The following CSMD2 variants were observed in gnomAD, a reference collection of about 807,000 sequenced individuals.
CSMD2 encodes the protein CUB and Sushi multiple domains 2, also known as CUB and sushi domain-containing protein 2.
A neutral mutation model predicts 398.5 loss-of-function variants in CSMD2; 130 were observed. The observed-to-expected ratio is 0.33, with a 90% confidence interval of 0.28 to 0.38. CSMD2 has a LOEUF of 0.38. Among genes scored for constraint, CSMD2 ranks in the 10% least tolerant of loss-of-function variants. The pLI, the probability that CSMD2 is intolerant of heterozygous loss-of-function variation, is 1.00. For synonymous variants in CSMD2, 1,828 were observed against 1,908.5 expected, an observed-to-expected ratio of 0.96 and a Z score of 1.10; for missense variants, 3,829 against 4,764.9, an observed-to-expected ratio of 0.80 and a Z score of 5.78.
rs1340868815 is a variant in CSMD2 at position 33,633,505 on chromosome 1, G to A, written c.5117C>T (p.Thr1706Met). Residue 1706 changes from threonine to methionine, a missense_variant, in exon 32 of 71, where the codon ACG (threonine) becomes ATG (methionine). By Grantham distance (81) the Thr-to-Met change is moderately conservative (BLOSUM62 -1). This residue lies in a region of CSMD2 where 2,001 missense variants were observed against 2,567.1 expected (regional missense o/e 0.78). Coordinates refer to ENST00000373381, the MANE Select transcript of CSMD2 (RefSeq NM_001281956.2). This position sits in a 1 kb window ranked among gnomAD's most constrained non-coding sequence, Gnocchi z 5.0. ...AACCTCCACCACGTCGTTGAGGGCC[G>A]TGTGAAAGAAGGCGAACTGGCCAAA... ...VVFGQFAFFH[T>M]ALNDVVEVHD... The A allele has an allele frequency of 1.3e-6, 2 of 1,553,066 alleles. No homozygotes were observed. Among genetic ancestry groups the A allele is most frequent in the Non-Finnish European group, 1.7e-6 (2 of 1,147,718 alleles).
chr1:33,648,105 GT>G (rs1397196589), intron 28 of CSMD2, among the ~76,000 whole-genome samples: 1 of 152,186 alleles, frequency 6.6e-6, no homozygotes, highest in Admixed American at 6.5e-5. Context: ...GCTCATGCCT[GT>G]AATCCCAGCA....
rs932359975 is a variant in CSMD2, at chr1:33,523,313, A to G, written c.10503T>C (p.Asp3501=). 2.6e-6 allele frequency: 4 copies of G among 1,528,756 alleles called. No individual in the cohort carries two copies. In the African/African-American group the frequency reaches 5.5e-5, roughly 21 times the overall value. The allele number at this position is 1,528,756 out of a possible 1,614,324, so 94.7% of individuals were successfully genotyped here. A position where few individuals can be genotyped will look rare whatever the true frequency, so the allele number is the denominator to read the frequency against. The change falls in exon 67 of 71, where the codon GAT becomes GAC. Residue 3501 remains aspartate, a synonymous_variant. Coordinates refer to ENST00000373381, the MANE Select transcript of CSMD2 (RefSeq NM_001281956.2). ...NKFKDDHWAL[D]GHVSSESSGA... ...GTGAGTTTGCTGAACTTACATGGCC[A>G]TCTAAAGCCCAGTGATCATCTTTGA...
chr1:34,011,455 G>A (rs1647312432), intron 3 of CSMD2, among the ~76,000 whole-genome samples: 1 of 152,180 alleles, frequency 6.6e-6, no homozygotes, highest in Non-Finnish European at 1.5e-5. Flanking sequence ...AACGAAGAGA[G>A]GCTATGAGCA....
chr1:33,969,595 T>C (rs1346976781), intron 3 of CSMD2, among the ~76,000 whole-genome samples: 1 of 152,238 alleles, frequency 6.6e-6, no homozygotes, highest in Non-Finnish European at 1.5e-5. Context: ...ATTTCCATTT[T>C]ACACATGTGA....
chr1:33,619,672 ATCAC>A (rs1446702505), intron 37 of CSMD2, among the ~76,000 whole-genome samples: 4 of 152,210 alleles, frequency 2.6e-5, no homozygotes, highest in African/African-American at 9.6e-5. Flanking sequence ...GAACGTTGCT[ATCAC>A]TCTGGAAATT....
Position 33,788,569 on chromosome 1 carries a change from A to C in CSMD2, c.1663+31T>G, listed in dbSNP as rs748479326. The stretch of plus-strand genomic sequence containing the variant: ...AGACCCCGTCTCTGACTCCCAGGAC[A>C]CAGTTCATCTGGCTTGCCAAAAGCA... On this transcript the variant is annotated intron_variant, in intron 12 of 70. Coordinates refer to ENST00000373381, the MANE Select transcript of CSMD2 (RefSeq NM_001281956.2). 2.5e-6 allele frequency: 3 copies of C among 1,217,486 alleles called. No homozygotes were observed. The South Asian group carries it at 3.6e-5, about 15-fold the overall frequency. The allele number at this position is 1,217,486 out of a possible 1,614,324, so 75.4% of individuals were successfully genotyped here. A position where few individuals can be genotyped will look rare whatever the true frequency, so the allele number is the denominator to read the frequency against.
At chr1:33,742,352 T>G (rs1569646953) in intron 14 of CSMD2, among the ~76,000 whole-genome samples, 1 of 151,916 alleles carries the variant, frequency 6.6e-6, no homozygotes, top group African/African-American at 2.4e-5. Context: ...GGAATGGGGG[T>G]TGGGAGATCA....
intron 1 of CSMD2, among the ~76,000 whole-genome samples, chr1:34,092,323 A>C (rs1658664743): frequency 6.6e-6 from 1 of 152,208 alleles, no homozygotes; most frequent in African/African-American, 2.4e-5. Flanking sequence ...TGCAATTCGG[A>C]TGAAAAGCCC....
intron 3 of CSMD2, among the ~76,000 whole-genome samples, chr1:33,954,186 A>G (rs553711444): frequency 6.6e-6 from 1 of 152,292 alleles, no homozygotes; most frequent in East Asian, 1.9e-4. Flanking sequence ...TAGTACTATC[A>G]TGATCTTGTT....
chr1:33,859,235 G>A (rs1034112104), intron 5 of CSMD2, among the ~76,000 whole-genome samples: 1 of 152,172 alleles, frequency 6.6e-6, no homozygotes, highest in African/African-American at 2.4e-5. Flanking sequence ...ATCAAGGTGT[G>A]GGGAGGACTG....
chr1:33,521,697 G>C, intron 67 of CSMD2, 147 bp from the exon 68 acceptor site: 1 of 652,328 alleles, frequency 1.5e-6, no homozygotes, highest in Non-Finnish European at 2.8e-6. Flanking sequence ...ACCTAGGCAA[G>C]GGTGGGTGTG....
At chr1:33,925,363 T>C (rs1416550467) in intron 4 of CSMD2, among the ~76,000 whole-genome samples, 2 of 152,184 alleles carry the variant, frequency 1.3e-5, no homozygotes, top group African/African-American at 4.8e-5. Context: ...TGTAAGTATA[T>C]GAATTTATTT....
At chr1:33,540,749 GC>G (rs773683250) in intron 59 of CSMD2, 51 bp from the exon 60 acceptor site, 1 of 1,598,510 alleles carries the variant, frequency 6.3e-7, no homozygotes, top group Non-Finnish European at 8.6e-7. Flanking sequence ...TGGGAAACCA[GC>G]CCCCGTCACC....
intron 49 of CSMD2, among the ~76,000 whole-genome samples, chr1:33,574,198 G>A (rs899416218): frequency 2.6e-5 from 4 of 152,068 alleles, no homozygotes; most frequent in Non-Finnish European, 5.9e-5. Flanking sequence ...ACCAGGAAAG[G>A]ACAATATATG....
At chr1:33,699,672 C>T (rs1366075886) in intron 23 of CSMD2, among the ~76,000 whole-genome samples, 6 of 152,192 alleles carry the variant, frequency 3.9e-5, no homozygotes, top group Non-Finnish European at 8.8e-5. Flanking sequence ...TGATTTTCCC[C>T]AATAGCTTTC....
intron 13 of CSMD2, among the ~76,000 whole-genome samples, chr1:33,745,156 T>A (rs755114065): frequency 3.9e-5 from 6 of 152,222 alleles, no homozygotes; most frequent in Non-Finnish European, 7.3e-5. Context: ...ATGTTAAACA[T>A]AATTTTAAAT....
intron 2 of CSMD2, among the ~76,000 whole-genome samples, chr1:34,081,918 C>T (rs1425652198): frequency 6.6e-6 from 1 of 151,560 alleles, no homozygotes; most frequent in African/African-American, 2.4e-5. Flanking sequence ...AAGTGAGGAG[C>T]GTCTCTTCCC....
chr1:33,859,722 G>A (rs1029923587), intron 5 of CSMD2, among the ~76,000 whole-genome samples: 3 of 152,202 alleles, frequency 2.0e-5, no homozygotes, highest in African/African-American at 7.2e-5. Context: ...ACATACACAT[G>A]CTTATGCCAG....
At position 33,521,448 on chromosome 1, in the gene CSMD2, A is replaced by T; in HGVS notation, c.10597+15T>A. 7.9e-6 allele frequency: 6 copies of T among 760,392 alleles called. No individual in the cohort carries two copies. The highest frequency in any genetic ancestry group is 1.3e-5 in the Non-Finnish European group (6 of 446,522). 47.1% of individuals were successfully genotyped at this position (760,392 alleles called of 1,614,324 possible). A position where few individuals can be genotyped will look rare whatever the true frequency, so the allele number is the denominator to read the frequency against. On this transcript the variant is annotated intron_variant, in intron 68 of 70. Coordinates refer to ENST00000373381, the MANE Select transcript of CSMD2 (RefSeq NM_001281956.2). Reference sequence around the variant, plus strand: ...CCACCCGGGCCCACACTTCCGGGGGACAAGCACTAGTTACCCAGTCTTTGA... The same window carrying T: ...CCACCCGGGCCCACACTTCCGGGGGTCAAGCACTAGTTACCCAGTCTTTGA...
Sources: gnomAD v4.1 joint callset for allele counts (sites outside exome capture counted in the v4.1 genomes callset) on GRCh38, gnomAD v4.1.1 for gene constraint, gnomAD v4.1.1 regional missense constraint, Gnocchi (gnomAD v3.1) non-coding constraint, MANE v1.5 for transcripts, NCBI Gene and HGNC (gene_info 2026-07-23, HGNC 2026-07-21) for gene names.